HOOK2: variants seen among roughly 807,000 people sequenced by gnomAD.
The protein encoded by HOOK2 is protein Hook homolog 2.
Under a neutral mutation model 111.9 loss-of-function variants are expected in HOOK2, and 108 were observed. That is an observed-to-expected ratio of 0.96 (90% CI 0.83 to 1.13). The LOEUF (loss-of-function observed/expected upper bound fraction) is 1.13. Ranked by LOEUF, HOOK2 falls within the 50% of genes most tolerant of loss-of-function variation. The pLI, the probability that HOOK2 is intolerant of heterozygous loss-of-function variation, is 0.00. For synonymous variants in HOOK2, 405 were observed against 394.3 expected (o/e 1.03, Z -0.32); for missense variants, 978 against 951.3 (o/e 1.03, Z -0.37).
At chr19:12,784,350 C>G (rs1219340657) in intron 3 of HOOK2, among the ~76,000 whole-genome samples, 2 of 152,014 alleles carry the variant, frequency 1.3e-5, no homozygotes, top group African/African-American at 2.4e-5. Context: ...AGACATACAG[C>G]TGGGTAAGAT....
upstream of HOOK2, among the ~76,000 whole-genome samples, chr19:12,775,995 A>C (rs977998180): frequency 1.2e-4 from 17 of 139,202 alleles, no homozygotes; most frequent in African/African-American, 4.5e-4. Context: ...CTCCTGCCTC[A>C]GCCTCCCGAG....
At chr19:12,767,934 G>T in intron 12 of HOOK2, 31 bp from the exon 13 acceptor site, 1 of 1,610,994 alleles carries the variant, frequency 6.2e-7, no homozygotes. Flanking sequence ...ACACTCCACG[G>T]GTCAGGCTCG....
chr19:12,781,316 TA>T (rs1253833816), upstream of HOOK2, among the ~76,000 whole-genome samples: 3 of 148,920 alleles, frequency 2.0e-5, no homozygotes, highest in Non-Finnish European at 4.5e-5. Flanking sequence ...AAATAAAATA[TA>T]AAAAAAATAA....
intron 14 of HOOK2, chr19:12,766,512 G>A: frequency 4.6e-6 from 2 of 434,474 alleles, no homozygotes; most frequent in East Asian, 3.6e-5. Context: ...GCTGGAAAGC[G>A]GGAAGCAGAA....
rs1231120566 is a variant in HOOK2, at chr19:12,763,532, T to C, written c.2006A>G (p.Asn669Ser). 6.2e-7 allele frequency: 1 copy of C among 1,614,202 alleles called. No homozygotes were observed. The highest frequency in any genetic ancestry group is 2.2e-5 in the East Asian group (1 of 44,884). ...GAGCCCAGACCCCACACTTACCATA[T>C]TATACCAGGCACTGATGAGCAGCTT... The part of the protein sequence containing the change: ...EEKLLISAWY[N>S]MGMALQQRAG... Residue 669 changes from asparagine to serine, a missense_variant, in exon 22 of 23, where the codon AAT (asparagine) becomes AGT (serine). This residue lies in a region of HOOK2 where 277 missense variants were observed against 265.8 expected (regional missense o/e 1.04). Transcript: ENST00000397668.
rs546039470 is a variant in HOOK2, at chr19:12,773,167, G to A, written c.205-123C>T. 51 of 929,128 alleles carry A rather than the reference G, an allele frequency of 5.5e-5. 1 individual carries two copies. The highest frequency in any genetic ancestry group is 3.5e-4 in the Admixed American group (19 of 53,670). The allele number at this position is 929,128 out of a possible 1,614,324, so 57.6% of individuals were successfully genotyped here. A position where few individuals can be genotyped will look rare whatever the true frequency, so the allele number is the denominator to read the frequency against. The stretch of plus-strand genomic sequence containing the variant: ...ATCTCATCCTATTCTGTCTGCGTGC[G>A]CCTTCCTCTAGGGGTGACCTGTCTG... On this transcript the variant is annotated intron_variant, in intron 3 of 22. Coordinates refer to ENST00000397668, the MANE Select transcript of HOOK2 (RefSeq NM_013312.3).
intron 3 of HOOK2, among the ~76,000 whole-genome samples, chr19:12,789,794 C>G (rs1479687888): frequency 6.6e-6 from 1 of 151,348 alleles, no homozygotes; most frequent in Admixed American, 6.6e-5. Context: ...CGGGGCCGGG[C>G]CAGGCGGCCG....
At position 12,775,406 on chromosome 19, in the gene HOOK2, C is replaced by G; in HGVS notation, c.44G>C (p.Trp15Ser). 6.2e-7 allele frequency: 1 copy of G among 1,612,494 alleles called. No individual in the cohort carries two copies. The stretch of plus-strand genomic sequence containing the variant: ...CCCTAGCCCCGCCCCACGACCTACC[C>G]AGGTGAGCAGAGACCCGCATAGCTC... Reference protein sequence around the residue: ...KAELCGSLLTWLQTFHVPSPC... With the variant: ...KAELCGSLLTSLQTFHVPSPC... The change falls in exon 1 of 23, where the codon TGG becomes TCG. Residue 15 changes from tryptophan (W) to serine (S), a missense_variant and splice_region_variant. By Grantham distance (177) the Trp-to-Ser change is radical (BLOSUM62 -3). Coordinates refer to ENST00000397668, the MANE Select transcript of HOOK2 (RefSeq NM_013312.3).
intron 3 of HOOK2, among the ~76,000 whole-genome samples, chr19:12,788,057 AAAACAAACAAAC>A (rs542096751): frequency 2.0e-5 from 3 of 152,154 alleles, no homozygotes; most frequent in Admixed American, 6.5e-5. Flanking sequence ...TCCATCTCAA[AAAACAAACAAAC>A]AAACAAACAA....
chr19:12,773,713 G>T (rs749283472), intron 3 of HOOK2, among the ~76,000 whole-genome samples: 20 of 152,242 alleles, frequency 1.3e-4, no homozygotes, highest in Admixed American at 6.5e-4. Flanking sequence ...TCTCCATGCA[G>T]CCAGGGGGAG....
chr19:12,765,045 C>T lies in HOOK2; in HGVS notation c.1677G>A (p.Arg559=). ...CCAGCTCCTCAATGTACTCCCGCTT[C>T]CTCTGCAACTCCAGATCTGCCTCAT... is the stretch of plus-strand genomic sequence containing the variant. ...KLHEADLELQ[R]KREYIEELEP... is the part of the protein sequence containing the mutation. The change falls in exon 19 of 23, where the codon AGG becomes AGA. Residue 559 remains arginine, a synonymous_variant. Transcript: ENST00000397668. 6.2e-7 allele frequency: 1 copy of T among 1,614,190 alleles called. No homozygotes were observed. The highest frequency in any genetic ancestry group is 8.5e-7 in the Non-Finnish European group (1 of 1,180,028).
At chr19:12,763,476 C>CT in intron 22 of HOOK2, 45 bp from the exon 23 acceptor site, 1 of 1,613,654 alleles carries the variant, frequency 6.2e-7, no homozygotes, top group East Asian at 2.2e-5. Context: ...TCACAGGACC[C>CT]CCCCACCAAT....
rs1968147177 is a variant in HOOK2 at position 12,766,371 on chromosome 19, C to A, written c.1374-131G>T. On this transcript the variant is annotated intron_variant, in intron 14 of 22. Coordinates refer to ENST00000397668, the MANE Select transcript of HOOK2 (RefSeq NM_013312.3). ...GCCCAGCCAGACCATGGGGTTGGAG[C>A]ACCGAGGACCTACTACGGGTTCAGG... 3 of 1,144,664 alleles carry A rather than the reference C, an allele frequency of 2.6e-6. No homozygotes were observed. The South Asian group carries it at 5.0e-5, about 19-fold the overall frequency. 70.9% of individuals were successfully genotyped at this position (1,144,664 alleles called of 1,614,324 possible). A position where few individuals can be genotyped will look rare whatever the true frequency, so the allele number is the denominator to read the frequency against.
At chr19:12,773,231 CTTTTTTTTT>C (rs373156108) in intron 3 of HOOK2, 187 bp from the exon 4 acceptor site, 3,214 of 254,166 alleles carry the variant, frequency 0.013, no homozygotes, top group Non-Finnish European at 0.013. Context: ...ATCTTTGTTT[CTTTTTTTTT>C]TTTTTTTTTT....
At chr19:12,779,011 T>G (rs766507181), upstream of HOOK2, among the ~76,000 whole-genome samples, 1 of 152,194 alleles carries the variant, frequency 6.6e-6, no homozygotes, top group Non-Finnish European at 1.5e-5. Context: ...ACCCTCCACA[T>G]TTTGGAAGAA....
At chr19:12,780,646 C>T (rs1222065129), upstream of HOOK2, among the ~76,000 whole-genome samples, 8 of 134,444 alleles carry the variant, frequency 6.0e-5, no homozygotes, top group African/African-American at 1.4e-4. Flanking sequence ...TGAACCACCG[C>T]GCCCGGCCTT....
chr19:12,783,893 C>T (rs886494905), intron 3 of HOOK2, among the ~76,000 whole-genome samples: 1 of 152,174 alleles, frequency 6.6e-6, no homozygotes, highest in Non-Finnish European at 1.5e-5. Context: ...TCATCTTGTC[C>T]ACCCCCTGCC....
Position 12,785,329 on chromosome 19 carries a change from CACAT to C in HOOK2, n.42-11108_42-11105del, listed in dbSNP as rs139156291. ...ACACACACACACCAGATCGTATACACACATACATACAGACCAGCCACAGACCTCT... is the reference window on the plus strand; with the variant it reads ...ACACACACACACCAGATCGTATACACACATACAGACCAGCCACAGACCTCT... On this transcript the variant is annotated intron_variant and non_coding_transcript_variant, in intron 3 of 3. Transcript: ENST00000589765. Among the ~76,000 whole-genome samples, 1,077 of 151,502 alleles carry C rather than the reference CACAT, an allele frequency of 7.1e-3. 9 individuals are homozygous for C. The highest frequency in any genetic ancestry group is 0.011 in the Non-Finnish European group (745 of 67,810).
upstream of HOOK2, among the ~76,000 whole-genome samples, chr19:12,778,623 T>C (rs932958978): frequency 6.6e-6 from 1 of 152,160 alleles, no homozygotes. Flanking sequence ...CCACAGCTGT[T>C]ACAAGCATGG....
Sources: allele counts gnomAD v4.1 joint callset (sites outside exome capture counted in the v4.1 genomes callset), GRCh38; gene constraint gnomAD v4.1.1; regional missense constraint gnomAD v4.1.1; transcripts MANE v1.5; gene names NCBI Gene and HGNC (gene_info 2026-07-23, HGNC 2026-07-21).